The following CACNB4 variants were observed in gnomAD, a reference collection of about 807,000 sequenced individuals.
CACNB4 encodes calcium voltage-gated channel auxiliary subunit beta 4.
In CACNB4, 32 loss-of-function variants were observed where a neutral mutation model predicts 71.2. That is an observed-to-expected ratio of 0.45 (90% CI 0.34 to 0.60). The LOEUF is 0.60. Ranked by LOEUF, CACNB4 falls within the 20% of genes least tolerant of loss-of-function variation. CACNB4 has a pLI of 0.01. For synonymous variants in CACNB4, 231 were observed against 236.9 expected, an observed-to-expected ratio of 0.97 and a Z score of 0.23; for missense variants, 464 against 647.9, an observed-to-expected ratio of 0.72 and a Z score of 3.08.
chr2:151,899,375 A>G (rs2099852840), intron 2 of CACNB4, among the ~76,000 whole-genome samples: 1 of 152,208 alleles, frequency 6.6e-6, no homozygotes, highest in Non-Finnish European at 1.5e-5. Flanking sequence ...TGCAGAAGGA[A>G]GGTCCCTGGA....
In CACNB4 at chr2:151,870,857, T is replaced by C; in HGVS notation, c.603A>G (p.Lys201=). Residue 201 remains lysine (K), a synonymous_variant, in exon 7 of 14, where the codon AAA becomes AAG. Transcript: ENST00000539935. ...CACAACTTACCACTTTTTGCTTCTGTTTTGCTAAAAGACAATAACGAGAGC... is the reference window on the plus strand; with the variant it reads ...CACAACTTACCACTTTTTGCTTCTGCTTTGCTAAAAGACAATAACGAGAGC... ...TFRATPTSTA[K]QKQKVTEHIP... The C allele has an allele frequency of 6.2e-7, 1 of 1,602,638 alleles. No homozygotes were observed. The highest frequency in any genetic ancestry group is 1.7e-5 in the Admixed American group (1 of 58,880).
At chr2:151,846,082 A>G (rs2099837489) in intron 12 of CACNB4, among the ~76,000 whole-genome samples, 1 of 152,324 alleles carries the variant, frequency 6.6e-6, no homozygotes, top group East Asian at 1.9e-4. Flanking sequence ...AAAGTATTTA[A>G]CCATCTGTTT....
chr2:151,877,098 T>C (rs1232336926), intron 4 of CACNB4, among the ~76,000 whole-genome samples: 1 of 148,180 alleles, frequency 6.7e-6, no homozygotes, highest in Non-Finnish European at 1.5e-5. Flanking sequence ...CACATAGATA[T>C]CTATATATAC....
chr2:151,985,276 G>A (rs1026764562), intron 2 of CACNB4, among the ~76,000 whole-genome samples: 1 of 152,030 alleles, frequency 6.6e-6, no homozygotes, highest in Non-Finnish European at 1.5e-5. Flanking sequence ...TCTCTTAGCA[G>A]TAACAACATA....
intron 2 of CACNB4, among the ~76,000 whole-genome samples, chr2:152,023,725 A>G (rs1683807925): frequency 6.6e-6 from 1 of 152,218 alleles, no homozygotes; most frequent in Non-Finnish European, 1.5e-5. Flanking sequence ...GTGAGCCACC[A>G]CACCCAGCCA....
chr2:152,078,528 G>C (rs1207134575), intron 2 of CACNB4, among the ~76,000 whole-genome samples: 1 of 152,184 alleles, frequency 6.6e-6, no homozygotes, highest in Non-Finnish European at 1.5e-5. Flanking sequence ...TGGCAACTCA[G>C]CTAGAGACTG....
intron 2 of CACNB4, among the ~76,000 whole-genome samples, chr2:151,935,303 T>C (rs2099862656): frequency 6.6e-6 from 1 of 152,230 alleles, no homozygotes; most frequent in Non-Finnish European, 1.5e-5. Context: ...CCTTTGGATA[T>C]CTGACTAATT....
intron 2 of CACNB4, among the ~76,000 whole-genome samples, chr2:152,066,029 A>G (rs141526503): frequency 1.1e-3 from 165 of 152,358 alleles, no homozygotes; most frequent in Admixed American, 1.9e-3. Flanking sequence ...CAATAAATGA[A>G]TGCATCTTAA....
chr2:151,881,468 C>G (rs1444815356), intron 3 of CACNB4, among the ~76,000 whole-genome samples: 1 of 152,232 alleles, frequency 6.6e-6, no homozygotes, highest in Non-Finnish European at 1.5e-5. Context: ...ATCACCTTCT[C>G]TCTAGCTAAC....
intron 11 of CACNB4, 45 bp downstream of exon 11, chr2:151,855,179 T>C (rs1260318407): frequency 1.4e-6 from 2 of 1,395,582 alleles, no homozygotes; most frequent in Non-Finnish European, 1.9e-6. Flanking sequence ...AACACATTTT[T>C]AAAAGATGCA....
At chr2:151,916,301 C>T (rs1299925630) in intron 2 of CACNB4, among the ~76,000 whole-genome samples, 1 of 150,156 alleles carries the variant, frequency 6.7e-6, no homozygotes. Context: ...ACTTATGGTC[C>T]TCTTGTGTGT....
chr2:152,008,282 G>C (rs1285917445), intron 2 of CACNB4, among the ~76,000 whole-genome samples: 2 of 150,450 alleles, frequency 1.3e-5, no homozygotes, highest in African/African-American at 4.9e-5. Context: ...CCCTTGCTTT[G>C]TTCAGTCTTC....
Position 151,835,731 on chromosome 2 carries a change from T to G in CACNB4, c.*3388A>C, listed in dbSNP as rs1248285540. The G allele has an allele frequency of 6.6e-6, 1 of 151,824 alleles. No homozygotes were observed. Among genetic ancestry groups the G allele is most frequent in the Non-Finnish European group, 1.5e-5 (1 of 67,730 alleles). The allele number at this position is 151,824 out of a possible 1,614,324, so 9.4% of individuals were successfully genotyped here. Reference sequence around the variant, plus strand: ...CTTTCACTGCCTCCACTTCCTATTATGAATTTTAAGGCCCCCACACAAAAG... The same window carrying G: ...CTTTCACTGCCTCCACTTCCTATTAGGAATTTTAAGGCCCCCACACAAAAG... On this transcript the variant is annotated 3_prime_UTR_variant, in exon 14 of 14. Transcript: ENST00000539935.
intron 2 of CACNB4, among the ~76,000 whole-genome samples, chr2:151,975,406 G>A (rs1401385253): frequency 2.0e-5 from 3 of 152,196 alleles, no homozygotes; most frequent in Non-Finnish European, 2.9e-5. Flanking sequence ...CTTGGGAGTG[G>A]CATCAATACC....
intron 2 of CACNB4, among the ~76,000 whole-genome samples, chr2:152,047,332 A>G (rs1232490269): frequency 1.3e-5 from 2 of 152,186 alleles, no homozygotes. Context: ...TTTGTTGTCA[A>G]TTTCTTCCTG....
intron 2 of CACNB4, among the ~76,000 whole-genome samples, chr2:152,069,934 C>G (rs1019178761): frequency 2.6e-5 from 4 of 151,068 alleles, no homozygotes; most frequent in African/African-American, 4.9e-5. Flanking sequence ...GCTCTGCCTC[C>G]CGGGTTCACA....
chr2:151,964,050 A>G (rs529098233), intron 2 of CACNB4, among the ~76,000 whole-genome samples: 8 of 133,576 alleles, frequency 6.0e-5, no homozygotes, highest in Admixed American at 5.0e-4. Context: ...ACCTGGCCAG[A>G]GCAAGACTCT....
chr2:152,096,850 T>G (rs1431627535), intron 2 of CACNB4, among the ~76,000 whole-genome samples: 1 of 152,210 alleles, frequency 6.6e-6, no homozygotes. Flanking sequence ...GTAGATGAAC[T>G]CAAAAGTTTT....
At chr2:151,848,105 C>A (rs2099838072) in intron 12 of CACNB4, among the ~76,000 whole-genome samples, 1 of 152,152 alleles carries the variant, frequency 6.6e-6, no homozygotes, top group South Asian at 2.1e-4. Context: ...AAAGATAATA[C>A]CATCTACCAA....
Sources: gnomAD v4.1 joint callset for allele counts (sites outside exome capture counted in the v4.1 genomes callset) on GRCh38, gnomAD v4.1.1 for gene constraint, MANE v1.5 for transcripts, NCBI Gene and HGNC (gene_info 2026-07-23, HGNC 2026-07-21) for gene names.